The following LMNTD1 variants were observed in gnomAD, a reference collection of about 807,000 sequenced individuals.
LMNTD1 encodes the protein lamin tail domain containing 1, also known as lamin tail domain-containing protein 1.
Under a neutral mutation model 50.9 loss-of-function variants are expected in LMNTD1, and 35 were observed. That is an observed-to-expected ratio of 0.69 (90% confidence interval 0.53 to 0.91). LMNTD1 has a LOEUF of 0.91. Ranked by LOEUF, LMNTD1 falls within the 40% of genes least tolerant of loss-of-function variation. LMNTD1 has a pLI of 0.00. For missense variants in LMNTD1, 470 were observed against 475.5 expected, an observed-to-expected ratio of 0.99 and a Z score of 0.11; for synonymous variants, 153 against 161.9, an observed-to-expected ratio of 0.94 and a Z score of 0.42.
intron 1 of LMNTD1, among the ~76,000 whole-genome samples, chr12:25,580,230 A>T (rs1394206438): frequency 1.3e-5 from 2 of 151,760 alleles, no homozygotes; most frequent in Non-Finnish European, 2.9e-5. Context: ...GTTTTTCATG[A>T]CCCCCTCTGG....
At chr12:25,575,543 G>A (rs1044159486) in intron 1 of LMNTD1, among the ~76,000 whole-genome samples, 19 of 152,244 alleles carry the variant, frequency 1.2e-4, no homozygotes, top group African/African-American at 3.6e-4. Context: ...GCTGTATGTT[G>A]CTTCCATTAA....
chr12:25,537,630 G>C (rs992899347), intron 4 of LMNTD1, among the ~76,000 whole-genome samples: 18 of 151,654 alleles, frequency 1.2e-4, no homozygotes, highest in Admixed American at 2.0e-4. Context: ...GGAAAAAACA[G>C]AAGAGAAAAA....
At chr12:25,605,125 T>G (rs1946067563) in intron 1 of LMNTD1, among the ~76,000 whole-genome samples, 2 of 152,216 alleles carry the variant, frequency 1.3e-5, no homozygotes, top group Admixed American at 6.5e-5. Flanking sequence ...TTCATGTGTT[T>G]TTTGGCTGCA....
At chr12:25,479,393 A>G (rs1938371283) in intron 9 of LMNTD1, among the ~76,000 whole-genome samples, 2 of 152,228 alleles carry the variant, frequency 1.3e-5, no homozygotes, top group African/African-American at 2.4e-5. Flanking sequence ...TGGGAGAAAC[A>G]GTACCATATA....
In LMNTD1 at chr12:25,516,320, G is replaced by A. The variant is rs1020351578; in HGVS notation, c.1189+2475C>T. Reference sequence around the variant, plus strand: ...TTACTACTACAAAATATGCACATACGGTGAAGTGCTTTGTGTTGAATAGCA... The same window carrying A: ...TTACTACTACAAAATATGCACATACAGTGAAGTGCTTTGTGTTGAATAGCA... On this transcript the variant is annotated intron_variant, in intron 8 of 9. Coordinates refer to ENST00000458174, the MANE Select transcript of LMNTD1 (RefSeq NM_001145728.2). Among the ~76,000 whole-genome samples the A allele has an allele frequency of 2.0e-5, 3 of 152,118 alleles. 1 individual carries two copies. The highest frequency in any genetic ancestry group is 4.2e-4 in the South Asian group (2 of 4,818).
At chr12:25,562,868 C>T (rs11611965) in intron 1 of LMNTD1, among the ~76,000 whole-genome samples, 1 of 152,132 alleles carries the variant, frequency 6.6e-6, no homozygotes, top group Admixed American at 6.5e-5. Flanking sequence ...CTTCTCTTCT[C>T]CCTTCATTTC....
At chr12:25,483,268 A>G (rs1034010074) in intron 9 of LMNTD1, among the ~76,000 whole-genome samples, 1 of 151,556 alleles carries the variant, frequency 6.6e-6, no homozygotes, top group African/African-American at 2.4e-5. Context: ...CTAAAAAAAT[A>G]CAAAAATTAG....
intron 1 of LMNTD1, among the ~76,000 whole-genome samples, chr12:25,613,642 C>T (rs545419308): frequency 6.6e-6 from 1 of 152,140 alleles, no homozygotes; most frequent in Non-Finnish European, 1.5e-5. Context: ...GCACATAAAA[C>T]CTTATGCATA....
At chr12:25,646,383 T>C (rs1275149487) in intron 1 of LMNTD1, among the ~76,000 whole-genome samples, 3 of 152,180 alleles carry the variant, frequency 2.0e-5, no homozygotes, top group Admixed American at 1.3e-4. Context: ...CATTTGATTG[T>C]TCTGTCTTCT....
chr12:25,580,850 G>A (rs776074688), intron 1 of LMNTD1, among the ~76,000 whole-genome samples: 3 of 152,122 alleles, frequency 2.0e-5, no homozygotes, highest in Non-Finnish European at 4.4e-5. Context: ...AAACCTATGA[G>A]ACTTTGGTAA....
intron 1 of LMNTD1, among the ~76,000 whole-genome samples, chr12:25,622,390 G>A (rs1158762957): frequency 6.6e-6 from 1 of 151,054 alleles, no homozygotes; most frequent in Non-Finnish European, 1.5e-5. Flanking sequence ...CAGAGTTCAT[G>A]CATGACCCAC....
chr12:25,510,746 C>T (rs930336887), intron 8 of LMNTD1, among the ~76,000 whole-genome samples: 5 of 152,056 alleles, frequency 3.3e-5, no homozygotes, highest in African/African-American at 1.2e-4. Flanking sequence ...ACCAGTCTAA[C>T]TCTATGAGAT....
At chr12:25,498,036 T>C (rs960755105) in intron 9 of LMNTD1, among the ~76,000 whole-genome samples, 5 of 152,186 alleles carry the variant, frequency 3.3e-5, no homozygotes, top group African/African-American at 1.2e-4. Flanking sequence ...TCTTCCTGTA[T>C]ATGCTATATA....
At chr12:25,566,069 A>G (rs1944545089) in intron 1 of LMNTD1, among the ~76,000 whole-genome samples, 1 of 152,076 alleles carries the variant, frequency 6.6e-6, no homozygotes, top group South Asian at 2.1e-4. Flanking sequence ...ACCTTGACGT[A>G]GTCTTCTTTG....
At chr12:25,619,065 C>T (rs566953416) in intron 1 of LMNTD1, among the ~76,000 whole-genome samples, 2 of 152,256 alleles carry the variant, frequency 1.3e-5, no homozygotes, top group South Asian at 4.1e-4. Flanking sequence ...TTTCCCCATT[C>T]AGTGACATTT....
At chr12:25,603,947 G>T (rs1326907049) in intron 1 of LMNTD1, among the ~76,000 whole-genome samples, 1 of 79,360 alleles carries the variant, frequency 1.3e-5, no homozygotes, top group Non-Finnish European at 2.8e-5. Context: ...TACGAATATT[G>T]GGGGGGAAGG....
At chr12:25,542,114 A>G (rs1410638414) in intron 4 of LMNTD1, among the ~76,000 whole-genome samples, 1 of 150,434 alleles carries the variant, frequency 6.6e-6, no homozygotes, top group African/African-American at 2.4e-5. Flanking sequence ...ACACTTTTAC[A>G]CTGTTGGTGG....
intron 1 of LMNTD1, among the ~76,000 whole-genome samples, chr12:25,642,980 C>T (rs1158423387): frequency 1.3e-5 from 2 of 152,154 alleles, no homozygotes; most frequent in Admixed American, 6.5e-5. Flanking sequence ...ATGCATTCAA[C>T]AATTCAGTTA....
chr12:25,512,764 C>A (rs1166896991), intron 8 of LMNTD1, among the ~76,000 whole-genome samples: 1 of 151,906 alleles, frequency 6.6e-6, no homozygotes, highest in African/African-American at 2.4e-5. Context: ...GCAATTATGG[C>A]AAGAGCTTTG....
Sources: gnomAD v4.1 joint callset for allele counts (sites outside exome capture counted in the v4.1 genomes callset) on GRCh38, gnomAD v4.1.1 for gene constraint, MANE v1.5 for transcripts, NCBI Gene and HGNC (gene_info 2026-07-23, HGNC 2026-07-21) for gene names.